ZNF106: variants seen among roughly 807,000 people sequenced by gnomAD.
The protein encoded by ZNF106 is zinc finger protein 106, also known as SH3-domain binding protein 3.
Under a neutral mutation model 195.1 loss-of-function variants are expected in ZNF106, and 67 were observed. That is an observed-to-expected ratio of 0.34 (90% CI 0.28 to 0.42). The LOEUF is 0.42. Ranked by LOEUF, ZNF106 falls within the 10% of genes least tolerant of loss-of-function variation. ZNF106 has a pLI of 1.00. For missense variants in ZNF106, 2,118 were observed against 2,304.5 expected (o/e 0.92, Z 1.66); for synonymous variants, 784 against 818.6 (o/e 0.96, Z 0.72).
At chr15:42,433,504 A>G (rs551339290) in intron 14 of ZNF106, among the ~76,000 whole-genome samples, 39 of 131,030 alleles carry the variant, frequency 3.0e-4, no homozygotes, top group African/African-American at 1.2e-3. Flanking sequence ...TTTTTTTTGG[A>G]CAGAGTCTTG....
At chr15:42,427,984 TG>T (rs2054915029) in intron 15 of ZNF106, 33 bp downstream of exon 15, 1 of 1,562,630 alleles carries the variant, frequency 6.4e-7, no homozygotes, top group Non-Finnish European at 8.8e-7. Flanking sequence ...TTCAAGTGCA[TG>T]GGAAGTAAGC....
Position 42,446,609 on chromosome 15 carries a change from CTTCTT to C in ZNF106, c.3180_3184del (p.Arg1061GlufsTer3). The C allele has an allele frequency of 6.2e-7, 1 of 1,600,584 alleles. No individual in the cohort carries two copies. The highest frequency in any genetic ancestry group is 8.5e-7 in the Non-Finnish European group (1 of 1,171,718). ...CATACCTTTTTTTCCTTTAATTTTC[CTTCTT>C]TTATTTTTTCTCTCAAGACTTGGGA... On this transcript the variant is annotated frameshift_variant, in exon 7 of 22. Transcript: ENST00000564754. LOFTEE classifies it high-confidence loss of function.
At position 42,421,983 on chromosome 15, in the gene ZNF106, A is replaced by C; in HGVS notation, c.5379T>G (p.His1793Gln). The change falls in exon 19 of 22, where the codon CAT becomes CAG. Residue 1793 changes from histidine to glutamine, a missense_variant. By Grantham distance (24) the His-to-Gln change is conservative. Transcript: ENST00000564754. ...GTCCTCCATAAACTTGTAATCGATC[A>C]TGAGACTTAGGCAGAAAAAAAAAAA... ...KFVRVYELQS[H>Q]DRLQVYGGHK... The C allele has an allele frequency of 1.3e-6, 2 of 1,581,440 alleles. No individual in the cohort carries two copies. Among genetic ancestry groups the C allele is most frequent in the Non-Finnish European group, 1.7e-6 (2 of 1,162,904 alleles).
intron 1 of ZNF106, among the ~76,000 whole-genome samples, chr15:42,482,522 G>GTTTTTTTTTTTTTT (rs905219332): frequency 3.6e-5 from 3 of 82,544 alleles, no homozygotes; most frequent in African/African-American, 1.1e-4. Context: ...GAAATCTCCA[G>GTTTTTTTTTTTTTT]TTTTTTTTTT....
intron 3 of ZNF106, among the ~76,000 whole-genome samples, chr15:42,464,084 G>A (rs988355198): frequency 4.1e-5 from 6 of 148,082 alleles, no homozygotes; most frequent in South Asian, 2.1e-4. Context: ...GCTCACGCCT[G>A]TAATCCCAGC....
rs766445015 is a variant in ZNF106, at chr15:42,450,340, A to C, written c.1932T>G (p.Thr644=). ...TTELLSGSTR[T]ADEKEEDDRI... ...GGTCATCCTCCTCTTTCTCATCAGC[A>C]GTTCGAGTGCTGCCAGATAACAATT... The change falls in exon 5 of 22, where the codon ACT becomes ACG. Residue 644 remains threonine (T), a synonymous_variant. Transcript: ENST00000564754. The C allele has an allele frequency of 6.2e-7, 1 of 1,614,212 alleles. No individual in the cohort carries two copies. Among genetic ancestry groups the C allele is most frequent in the South Asian group, 1.1e-5 (1 of 91,090 alleles).
At chr15:42,477,024 C>G (rs2056800050) in intron 1 of ZNF106, among the ~76,000 whole-genome samples, 1 of 152,164 alleles carries the variant, frequency 6.6e-6, no homozygotes, top group African/African-American at 2.4e-5. Flanking sequence ...AGATGGATTA[C>G]TGACTTCACA....
intron 14 of ZNF106, among the ~76,000 whole-genome samples, chr15:42,431,358 G>C (rs904811594): frequency 7.3e-5 from 11 of 150,432 alleles, no homozygotes; most frequent in Non-Finnish European, 1.5e-5. Context: ...AATGTTAATT[G>C]GATCTTGATC....
chr15:42,489,466 C>A (rs555753829), intron 1 of ZNF106, among the ~76,000 whole-genome samples: 9 of 152,084 alleles, frequency 5.9e-5, no homozygotes, highest in African/African-American at 1.9e-4. Flanking sequence ...CGTGAGCCAT[C>A]GCGCCTGGCC....
chr15:42,477,844 C>T (rs1366346453), intron 1 of ZNF106, among the ~76,000 whole-genome samples: 1 of 151,768 alleles, frequency 6.6e-6, no homozygotes, highest in Non-Finnish European at 1.5e-5. Context: ...AAGCCAAAAT[C>T]GGGCCACTGC....
intron 3 of ZNF106, among the ~76,000 whole-genome samples, chr15:42,463,416 C>T (rs1224471968): frequency 6.6e-6 from 1 of 152,064 alleles, no homozygotes; most frequent in Admixed American, 6.6e-5. Flanking sequence ...GGGCTTCTGG[C>T]CATGCAGAGT....
Position 42,417,045 on chromosome 15 carries a change from A to G in ZNF106, c.*259T>C, listed in dbSNP as rs183972613. ...AACATCTGGAGAACGCAAATAGCAT[A>G]TATCACTATATGCCATGCTGTCCCA... On this transcript the variant is annotated 3_prime_UTR_variant, in exon 22 of 22. Coordinates refer to ENST00000564754, the MANE Select transcript of ZNF106 (RefSeq NM_001366845.3). 2.4e-6 allele frequency: 1 copy of G among 408,222 alleles called. No homozygotes were observed. Among genetic ancestry groups the G allele is most frequent in the East Asian group, 4.3e-5 (1 of 23,528 alleles). The allele number at this position is 408,222 out of a possible 1,614,324, so 25.3% of individuals were successfully genotyped here.
chr15:42,451,569 C>T lies in ZNF106; in HGVS notation c.703G>A (p.Gly235Ser). 6.2e-7 allele frequency: 1 copy of T among 1,614,122 alleles called. No individual in the cohort carries two copies. The highest frequency in any genetic ancestry group is 1.3e-5 in the African/African-American group (1 of 75,034). ...NSSWLSEGTG[G>S]FSSWHMNNSN... Reference sequence around the variant, plus strand: ...TTGTTCATATGCCAACTGGAAAAGCCACCTGTTCCTTCAGAAAGCCAACTG... The same window carrying T: ...TTGTTCATATGCCAACTGGAAAAGCTACCTGTTCCTTCAGAAAGCCAACTG... The change falls in exon 5 of 22, where the codon GGC (glycine) becomes AGC (serine). Residue 235 changes from glycine to serine, a missense_variant. Coordinates refer to ENST00000564754, the MANE Select transcript of ZNF106 (RefSeq NM_001366845.3).
intron 12 of ZNF106, 30 bp from the exon 13 acceptor site, chr15:42,437,407 TG>T: frequency 6.2e-7 from 1 of 1,611,096 alleles, no homozygotes; most frequent in South Asian, 1.1e-5. Context: ...TTCAGAGACA[TG>T]TCTGCTAGAG....
rs2055505689 is a variant in ZNF106 at position 42,441,001 on chromosome 15, ATATATATATATATATAT to A, written c.3763+1055_3763+1071del. The stretch of plus-strand genomic sequence containing the variant: ...CTCTGTCTAAAAAAAAAAAAAAAAT[ATATATATATATATATAT>A]ATATATATATATATATATATATATA... On this transcript the variant is annotated intron_variant, in intron 10 of 21. Transcript: ENST00000564754. Among the ~76,000 whole-genome samples, 46 of 16,348 alleles carry A rather than the reference ATATATATATATATATAT, an allele frequency of 2.8e-3. 4 individuals are homozygous for A. Among genetic ancestry groups the A allele is most frequent in the African/African-American group, 5.4e-3 (31 of 5,746 alleles). 10.7% of individuals were successfully genotyped at this position (16,348 alleles called of 152,430 possible).
At position 42,415,626 on chromosome 15, in the gene ZNF106, G is replaced by A. The variant is rs1474238087; in HGVS notation, c.*1678C>T. The A allele has an allele frequency of 5.9e-6, 2 of 341,352 alleles. No individual in the cohort carries two copies. Among genetic ancestry groups the A allele is most frequent in the African/African-American group, 4.3e-5 (2 of 46,192 alleles). The allele number at this position is 341,352 out of a possible 1,614,324, so 21.1% of individuals were successfully genotyped here. A position where few individuals can be genotyped will look rare whatever the true frequency, so the allele number is the denominator to read the frequency against. On this transcript the variant is annotated 3_prime_UTR_variant, in exon 22 of 22. Transcript: ENST00000564754. ...AGTGGATATATGTGCACTAACAGGGGCGAAGACAGACCTGGATGGTCTGCA... is the reference window on the plus strand; with the variant it reads ...AGTGGATATATGTGCACTAACAGGGACGAAGACAGACCTGGATGGTCTGCA...
intron 10 of ZNF106, among the ~76,000 whole-genome samples, chr15:42,440,418 T>G (rs1250894715): frequency 2.0e-5 from 3 of 152,182 alleles, no homozygotes; most frequent in Admixed American, 2.0e-4. Context: ...TTAGCCAGAT[T>G]ATGCAACTAT....
intron 6 of ZNF106, among the ~76,000 whole-genome samples, 166 bp downstream of exon 6, chr15:42,447,906 C>T (rs1305787003): frequency 1.3e-5 from 2 of 152,162 alleles, no homozygotes; most frequent in East Asian, 1.9e-4. Flanking sequence ...AGCAGAATTA[C>T]TCAGTGTAAG....
intron 18 of ZNF106, 87 bp downstream of exon 18, chr15:42,422,414 C>A (rs976519553): frequency 4.0e-6 from 6 of 1,497,428 alleles, no homozygotes; most frequent in Non-Finnish European, 5.4e-6. Context: ...GGGTTCCATC[C>A]CACCTTACTG....
Sources: gnomAD v4.1 joint callset for allele counts (sites outside exome capture counted in the v4.1 genomes callset) on GRCh38, gnomAD v4.1.1 for gene constraint, MANE v1.5 for transcripts, NCBI Gene and HGNC (gene_info 2026-07-23, HGNC 2026-07-21) for gene names.